The following ZNF471 variants were observed in gnomAD, a reference collection of about 807,000 sequenced individuals.
The protein encoded by ZNF471 is zinc finger protein 471.
Under a neutral mutation model 13.7 loss-of-function variants are expected in ZNF471, and 7 were observed. The observed-to-expected ratio is 0.51, with a 90% confidence interval of 0.29 to 0.96. The LOEUF (loss-of-function observed/expected upper bound fraction) is 0.96. ZNF471 is among the 40% of genes least tolerant of loss of function. The pLI, the probability that ZNF471 is intolerant of heterozygous loss-of-function variation, is 0.08. For synonymous variants in ZNF471, 218 were observed against 235.6 expected, an observed-to-expected ratio of 0.93 and a Z score of 0.68; for missense variants, 663 against 743.3, an observed-to-expected ratio of 0.89 and a Z score of 1.26.
rs1012074764 is a variant in ZNF471, at chr19:56,525,271, C to T, written c.1204C>T (p.Pro402Ser). The change falls in exon 5 of 5, where the codon CCT becomes TCT. Residue 402 changes from proline to serine, a missense_variant. Coordinates refer to ENST00000308031, the MANE Select transcript of ZNF471 (RefSeq NM_020813.4). ...TAGGAGAATTCATACAGGAGAGAAACCTTACAAATGTGGTGTGTGTGGAAA... is the reference window on the plus strand; with the variant it reads ...TAGGAGAATTCATACAGGAGAGAAATCTTACAAATGTGGTGTGTGTGGAAA... ...LHRRIHTGEK[P>S]YKCGVCGKTF... The T allele has an allele frequency of 6.2e-7, 1 of 1,611,790 alleles. No individual in the cohort carries two copies. Among genetic ancestry groups the T allele is most frequent in the Admixed American group, 1.7e-5 (1 of 59,912 alleles).
rs1358517530 is a variant in ZNF471, at chr19:56,525,984, C to T, written c.*36C>T. ...CATGTGGCCAAGCCTTTAGTTATCA[C>T]CAATCCCCTACTGTTAATCAGAGAT... On this transcript the variant is annotated 3_prime_UTR_variant, in exon 5 of 5. Coordinates refer to ENST00000308031, the MANE Select transcript of ZNF471 (RefSeq NM_020813.4). 2.0e-6 allele frequency: 3 copies of T among 1,501,682 alleles called. No homozygotes were observed. Among genetic ancestry groups the T allele is most frequent in the Non-Finnish European group, 2.7e-6 (3 of 1,121,266 alleles). The allele number at this position is 1,501,682 out of a possible 1,614,324, so 93.0% of individuals were successfully genotyped here. A position where few individuals can be genotyped will look rare whatever the true frequency, so the allele number is the denominator to read the frequency against.
rs764109584 is a variant in ZNF471 at position 56,516,296 on chromosome 19, G to A, written c.55G>A (p.Val19Met). 1.9e-6 allele frequency: 3 copies of A among 1,613,634 alleles called. No individual in the cohort carries two copies. The highest frequency in any genetic ancestry group is 2.2e-5 in the East Asian group (1 of 44,864). Reference sequence around the variant, plus strand: ...TCAGGACTTAGTGACATTCAAGGATGTGGCAATAGATTTTTCCCAGGAAGA... The same window carrying A: ...TCAGGACTTAGTGACATTCAAGGATATGGCAATAGATTTTTCCCAGGAAGA... ...MPQDLVTFKD[V>M]AIDFSQEEWQ... Residue 19 changes from valine to methionine, a missense_variant, in exon 3 of 5, where the codon GTG (valine) becomes ATG (methionine). Coordinates refer to ENST00000308031, the MANE Select transcript of ZNF471 (RefSeq NM_020813.4). This position sits in a 1 kb window ranked among gnomAD's most constrained non-coding sequence, Gnocchi z 4.4.
Position 56,526,010 on chromosome 19 carries a change from G to T in ZNF471, c.*62G>T. 6.9e-7 allele frequency: 1 copy of T among 1,443,244 alleles called. No individual in the cohort carries two copies. The highest frequency in any genetic ancestry group is 2.3e-5 in the East Asian group (1 of 43,288). The allele number at this position is 1,443,244 out of a possible 1,614,324, so 89.4% of individuals were successfully genotyped here. On this transcript the variant is annotated 3_prime_UTR_variant, in exon 5 of 5. Coordinates refer to ENST00000308031, the MANE Select transcript of ZNF471 (RefSeq NM_020813.4). ...CAATCCCCTACTGTTAATCAGAGAT[G>T]TCCCACTGGATAAAAAACATATAAA... is the stretch of plus-strand genomic sequence containing the variant.
chr19:56,516,127 A>G lies in ZNF471; in HGVS notation c.34-148A>G. 1 of 709,252 alleles carries G rather than the reference A, an allele frequency of 1.4e-6. No individual in the cohort carries two copies. Among genetic ancestry groups the G allele is most frequent in the South Asian group, 1.8e-5 (1 of 54,948 alleles). The allele number at this position is 709,252 out of a possible 1,614,324, so 43.9% of individuals were successfully genotyped here. On this transcript the variant is annotated intron_variant, in intron 2 of 4. Coordinates refer to ENST00000308031, the MANE Select transcript of ZNF471 (RefSeq NM_020813.4). This position sits in a 1 kb window ranked among gnomAD's most constrained non-coding sequence, Gnocchi z 4.4. The stretch of plus-strand genomic sequence containing the variant: ...GTACCCAATGCAGTTAAACACTTCC[A>G]TAAGTACTGTTTTGGCTTGGATCTT...
intron 4 of ZNF471, among the ~76,000 whole-genome samples, chr19:56,520,039 G>A (rs2189699): frequency 0.78 from 118,173 of 152,114 alleles, 46,812 homozygotes; most frequent in African/African-American, 0.94. Flanking sequence ...CTTGAAATGT[G>A]TCCACTGTGG....
Position 56,525,178 on chromosome 19 carries a change from G to A in ZNF471, c.1111G>A (p.Gly371Arg). Residue 371 changes from glycine to arginine, a missense_variant, in exon 5 of 5, where the codon GGA (glycine) becomes AGA (arginine). By Grantham distance (125) the Gly-to-Arg change is moderately radical. Transcript: ENST00000308031. ...FIRHWRSYHT[G>R]EKPFNCIDCG... ...TCGTCACTGGAGGAGTTATCATACT[G>A]GAGAGAAGCCTTTTAATTGCATTGA... 1 of 1,614,146 alleles carries A rather than the reference G, an allele frequency of 6.2e-7. No homozygotes were observed.
At chr19:56,523,181 C>T (rs1476865811) in intron 4 of ZNF471, among the ~76,000 whole-genome samples, 3 of 152,114 alleles carry the variant, frequency 2.0e-5, no homozygotes, top group African/African-American at 7.2e-5. Flanking sequence ...AAATTCATTT[C>T]TTCAAAAGGG....
chr19:56,509,871 T>C, intron 1 of ZNF471: 1 of 985,272 alleles, frequency 1.0e-6, no homozygotes, highest in Non-Finnish European at 1.2e-6. Flanking sequence ...ATTGTGAGAA[T>C]CCAGAGTGTG....
chr19:56,511,627 T>G, intron 2 of ZNF471, 23 bp downstream of exon 2: 4 of 1,583,086 alleles, frequency 2.5e-6, no homozygotes, highest in Non-Finnish European at 2.6e-6. Flanking sequence ...TTTCTTTCTC[T>G]TCATGAAAGG....
chr19:56,517,900 G>A (rs2043915604), intron 3 of ZNF471, among the ~76,000 whole-genome samples: 1 of 152,144 alleles, frequency 6.6e-6, no homozygotes, highest in South Asian at 2.1e-4. Flanking sequence ...TCGTTTCTGA[G>A]ATATCCTGTG....
At chr19:56,515,126 T>C (rs781611298) in intron 2 of ZNF471, among the ~76,000 whole-genome samples, 18 of 152,150 alleles carry the variant, frequency 1.2e-4, no homozygotes, top group Non-Finnish European at 2.2e-4. Flanking sequence ...GTAAAGTTAT[T>C]CTATAGATAT....
In ZNF471 at chr19:56,510,542, C is replaced by G. The variant is rs192999385; in HGVS notation, c.-55-975C>G. The G allele has an allele frequency of 5.2e-5, 51 of 985,668 alleles. No homozygotes were observed. The Middle Eastern group carries it at 1.6e-3, about 30-fold the overall frequency. The allele number at this position is 985,668 out of a possible 1,614,324, so 61.1% of individuals were successfully genotyped here. ...GTGTGAAGGTGTTGGTGAATCACCACGTGTGCTTATATTCATGTCCTCAGG... is the reference window on the plus strand; with the variant it reads ...GTGTGAAGGTGTTGGTGAATCACCAGGTGTGCTTATATTCATGTCCTCAGG... On this transcript the variant is annotated intron_variant, in intron 1 of 4. Transcript: ENST00000308031. The surrounding 1 kb of genome is among the most constrained non-coding windows in gnomAD (Gnocchi z 4.3).
intron 2 of ZNF471, among the ~76,000 whole-genome samples, chr19:56,512,093 C>T (rs768830877): frequency 6.6e-6 from 1 of 151,768 alleles, no homozygotes; most frequent in South Asian, 2.1e-4. Context: ...CCTGAAAAAT[C>T]TTATTCTACT....
rs554417218 is a variant in ZNF471, at chr19:56,510,995, C to T, written c.-55-522C>T. On this transcript the variant is annotated intron_variant, in intron 1 of 4. Coordinates refer to ENST00000308031, the MANE Select transcript of ZNF471 (RefSeq NM_020813.4). The surrounding 1 kb of genome is among the most constrained non-coding windows in gnomAD (Gnocchi z 4.3). ...CAGGGTGAGGAAAGTGAAACAGTGC[C>T]GGGGGGTGGGTCAGGGATGCAGTGG... The T allele has an allele frequency of 3.4e-5, 33 of 983,702 alleles. No individual in the cohort carries two copies. The highest frequency in any genetic ancestry group is 5.3e-4 in the Middle Eastern group (1 of 1,904). The allele number at this position is 983,702 out of a possible 1,614,324, so 60.9% of individuals were successfully genotyped here.
At chr19:56,517,810 A>T (rs2043914317) in intron 3 of ZNF471, among the ~76,000 whole-genome samples, 1 of 152,200 alleles carries the variant, frequency 6.6e-6, no homozygotes, top group Non-Finnish European at 1.5e-5. Context: ...ATGTTTGGTT[A>T]GGTGCATCTA....
rs1366198316 is a variant in ZNF471 at position 56,524,302 on chromosome 19, AC to A, written c.257-21del. 2 of 1,339,374 alleles carry A rather than the reference AC, an allele frequency of 1.5e-6. No individual in the cohort carries two copies. The allele number at this position is 1,339,374 out of a possible 1,614,324, so 83.0% of individuals were successfully genotyped here. On this transcript the variant is annotated intron_variant, in intron 4 of 4. Transcript: ENST00000308031. The surrounding 1 kb of genome is among the most constrained non-coding windows in gnomAD (Gnocchi z 4.8). ...GTAGCCCATGATAAAGGGAACATTC[AC>A]TTTTTTTTAATATCTTTCAGATTGG...
chr19:56,507,861 C>G lies in ZNF471; in HGVS notation c.-115C>G. On this transcript the variant is annotated 5_prime_UTR_variant, in exon 1 of 5. Transcript: ENST00000308031. ...GCTGGCGCCTGCGCGATGGGGGGTT[C>G]CAGCGTCGACTCACGGAGTCCTTCG... 1 of 985,404 alleles carries G rather than the reference C, an allele frequency of 1.0e-6. No homozygotes were observed. The highest frequency in any genetic ancestry group is 1.2e-6 in the Non-Finnish European group (1 of 830,014). 61.0% of individuals were successfully genotyped at this position (985,404 alleles called of 1,614,324 possible).
Position 56,525,893 on chromosome 19 carries a change from G to A in ZNF471, c.1826G>A (p.Arg609Lys), listed in dbSNP as rs761823294. ...YQCFECGKAF[R>K]RKLSLICHQR... Reference sequence around the variant, plus strand: ...TGTTTTGAATGTGGGAAGGCGTTCAGAAGAAAGTTATCCTTAATTTGTCAT... The same window carrying A: ...TGTTTTGAATGTGGGAAGGCGTTCAAAAGAAAGTTATCCTTAATTTGTCAT... Residue 609 changes from arginine to lysine, a missense_variant, in exon 5 of 5, where the codon AGA (arginine) becomes AAA (lysine). By Grantham distance (26) the Arg-to-Lys change is conservative. Transcript: ENST00000308031. 2 of 1,587,186 alleles carry A rather than the reference G, an allele frequency of 1.3e-6. No homozygotes were observed.
intron 1 of ZNF471, chr19:56,509,773 T>G (rs1234355357): frequency 1.5e-6 from 1 of 676,120 alleles, no homozygotes; most frequent in Non-Finnish European, 1.8e-6. Context: ...ACACATCTGG[T>G]CTTAGAACTG....
Sources: allele counts gnomAD v4.1 joint callset (sites outside exome capture counted in the v4.1 genomes callset), GRCh38; gene constraint gnomAD v4.1.1; non-coding constraint Gnocchi (gnomAD v3.1); transcripts MANE v1.5; gene names NCBI Gene and HGNC (gene_info 2026-07-23, HGNC 2026-07-21).